Variants in WDR70 observed in about 807,000 individuals in gnomAD.
The protein encoded by WDR70 is WD repeat-containing protein 70.
Under a neutral mutation model 88.6 loss-of-function variants are expected in WDR70, and 53 were observed. That is an observed-to-expected ratio of 0.60 (90% CI 0.48 to 0.75). The LOEUF is 0.75. Among genes scored for constraint, WDR70 ranks in the 30% least tolerant of loss-of-function variants. WDR70 has a pLI of 0.00. For synonymous variants in WDR70, 280 were observed against 270.0 expected, an observed-to-expected ratio of 1.04 and a Z score of -0.36; for missense variants, 610 against 823.2, an observed-to-expected ratio of 0.74 and a Z score of 3.17.
chr5:37,712,713 A>T (rs1319891432), intron 13 of WDR70, among the ~76,000 whole-genome samples: 3 of 151,580 alleles, frequency 2.0e-5, no homozygotes, highest in Non-Finnish European at 4.4e-5. Flanking sequence ...TTTTATTTTT[A>T]TTTTTTGAAA....
At chr5:37,570,563 C>T (rs574015751) in intron 9 of WDR70, among the ~76,000 whole-genome samples, 5 of 151,950 alleles carry the variant, frequency 3.3e-5, no homozygotes, top group South Asian at 2.1e-4. Context: ...GAGGAAATGA[C>T]GATATTTAAG....
intron 7 of WDR70, among the ~76,000 whole-genome samples, chr5:37,463,839 A>G (rs1263400039): frequency 6.6e-6 from 1 of 152,204 alleles, no homozygotes; most frequent in Non-Finnish European, 1.5e-5. Context: ...TAGCAGACTT[A>G]AGAGTGAAGT....
intron 13 of WDR70, 134 bp downstream of exon 13, chr5:37,703,221 G>A (rs1218385260): frequency 2.5e-5 from 27 of 1,089,660 alleles, no homozygotes; most frequent in Non-Finnish European, 3.0e-5. Flanking sequence ...TCACTCTAGC[G>A]TAGGAGTTAT....
intron 9 of WDR70, among the ~76,000 whole-genome samples, chr5:37,565,249 A>C (rs898408455): frequency 1.3e-5 from 2 of 152,150 alleles, no homozygotes; most frequent in African/African-American, 4.8e-5. Context: ...ACAGTTAATC[A>C]AAAATTTATT....
intron 15 of WDR70, 152 bp from the exon 16 acceptor site, chr5:37,724,782 G>T (rs1247444911): frequency 4.4e-5 from 33 of 743,074 alleles, no homozygotes; most frequent in Admixed American, 2.3e-4. Context: ...AGCAAAATTG[G>T]CTAATTGGTT....
At chr5:37,602,471 G>A (rs1206257382) in intron 9 of WDR70, among the ~76,000 whole-genome samples, 1 of 151,720 alleles carries the variant, frequency 6.6e-6, no homozygotes, top group Non-Finnish European at 1.5e-5. Flanking sequence ...GCCAGGCAAG[G>A]TGGCGGGCGC....
chr5:37,422,866 G>A (rs917919248), intron 5 of WDR70, among the ~76,000 whole-genome samples: 2 of 151,986 alleles, frequency 1.3e-5, no homozygotes, highest in Non-Finnish European at 2.9e-5. Context: ...AGCTCAAATC[G>A]ATCTGCCCGC....
chr5:37,472,121 C>G (rs1415249006), intron 7 of WDR70, among the ~76,000 whole-genome samples: 1 of 151,608 alleles, frequency 6.6e-6, no homozygotes, highest in African/African-American at 2.4e-5. Flanking sequence ...AGTGAATATC[C>G]CAAGTTTAAA....
chr5:37,407,038 A>C (rs1200259497), intron 5 of WDR70, among the ~76,000 whole-genome samples: 1 of 152,194 alleles, frequency 6.6e-6, no homozygotes, highest in Non-Finnish European at 1.5e-5. Context: ...TGTGAAAGAT[A>C]ACTTTTTCAC....
chr5:37,427,342 T>C (rs982562617), intron 5 of WDR70, among the ~76,000 whole-genome samples: 6 of 151,346 alleles, frequency 4.0e-5, no homozygotes, highest in Non-Finnish European at 5.9e-5. Context: ...TGAGCGGAGA[T>C]AGCTCCACTG....
chr5:37,653,150 AG>A (rs1432153180), intron 10 of WDR70, among the ~76,000 whole-genome samples: 1 of 152,138 alleles, frequency 6.6e-6, no homozygotes, highest in Non-Finnish European at 1.5e-5. Flanking sequence ...TTAGCATGAA[AG>A]GGTGTTGAAT....
At chr5:37,483,673 G>A (rs1347913445) in intron 8 of WDR70, among the ~76,000 whole-genome samples, 2 of 151,876 alleles carry the variant, frequency 1.3e-5, no homozygotes, top group Non-Finnish European at 2.9e-5. Context: ...CCCAGAAGGG[G>A]CGGCCAGGCA....
At chr5:37,597,060 C>T (rs994021917) in intron 9 of WDR70, among the ~76,000 whole-genome samples, 1 of 152,154 alleles carries the variant, frequency 6.6e-6, no homozygotes, top group Non-Finnish European at 1.5e-5. Flanking sequence ...TAAAATTTCA[C>T]TCTATGGATG....
intron 5 of WDR70, among the ~76,000 whole-genome samples, chr5:37,406,815 G>A (rs1459247529): frequency 6.6e-6 from 1 of 152,188 alleles, no homozygotes; most frequent in Non-Finnish European, 1.5e-5. Flanking sequence ...CCAACAGTCA[G>A]TGTTGTACAT....
chr5:37,528,907 G>GTTTTTTTTTTTTTTTTT lies in WDR70; in HGVS notation c.917+12317_917+12318insTTTTTTTTTTTTTTTTT, dbSNP rs140383817. On this transcript the variant is annotated intron_variant, in intron 9 of 17. Coordinates refer to ENST00000265107, the MANE Select transcript of WDR70 (RefSeq NM_018034.4). ...TTTGCCTAAGCCAATGTCTAGAGGG[G>GTTTTTTTTTTTTTTTTT]GTTTTTTTTTTTTTTTGATGTTATC... Among the ~76,000 whole-genome samples the GTTTTTTTTTTTTTTTTT allele has an allele frequency of 2.3e-5, 3 of 130,704 alleles. 1 individual carries two copies. Among genetic ancestry groups the GTTTTTTTTTTTTTTTTT allele is most frequent in the Non-Finnish European group, 1.6e-5 (1 of 61,886 alleles). 85.7% of individuals were successfully genotyped at this position (130,704 alleles called of 152,430 possible). A position where few individuals can be genotyped will look rare whatever the true frequency, so the allele number is the denominator to read the frequency against.
chr5:37,675,757 C>G (rs1746185531), intron 10 of WDR70, among the ~76,000 whole-genome samples: 1 of 152,042 alleles, frequency 6.6e-6, no homozygotes, highest in South Asian at 2.1e-4. Context: ...GTAGTTTTTT[C>G]CAATTCTGTG....
intron 15 of WDR70, chr5:37,724,300 G>T (rs1428775328): frequency 6.6e-6 from 1 of 151,966 alleles, no homozygotes; most frequent in Non-Finnish European, 1.5e-5. Context: ...GCAATTGAAC[G>T]CATATTACTT....
At position 37,724,960 on chromosome 5, in the gene WDR70, C is replaced by T; in HGVS notation, c.1624C>T (p.Pro542Ser). 1 of 1,613,586 alleles carries T rather than the reference C, an allele frequency of 6.2e-7. No homozygotes were observed. Among genetic ancestry groups the T allele is most frequent in the Non-Finnish European group, 8.5e-7 (1 of 1,179,706 alleles). ...TPHALPMFRE[P>S]RQRSTRKQLE... ...TCATGCCTTGCCTATGTTCCGTGAGCCCCGCCAACGGAGTACAAGGAAACA... is the reference window on the plus strand; with the variant it reads ...TCATGCCTTGCCTATGTTCCGTGAGTCCCGCCAACGGAGTACAAGGAAACA... The change falls in exon 16 of 18, where the codon CCC becomes TCC. Residue 542 changes from proline to serine, a missense_variant. By Grantham distance (74) the Pro-to-Ser change is moderately conservative. Around this residue, in one of 4 missense-constraint regions of WDR70, gnomAD observed 254 missense variants for 300.7 expected, o/e 0.84. Transcript: ENST00000265107.
At chr5:37,696,866 A>T (rs1746998786) in intron 10 of WDR70, among the ~76,000 whole-genome samples, 1 of 152,222 alleles carries the variant, frequency 6.6e-6, no homozygotes, top group Admixed American at 6.5e-5. Context: ...CAAGTCTTTA[A>T]CTGTGTAGAA....
Sources: gnomAD v4.1 joint callset for allele counts (sites outside exome capture counted in the v4.1 genomes callset) on GRCh38, gnomAD v4.1.1 for gene constraint, gnomAD v4.1.1 regional missense constraint, MANE v1.5 for transcripts, NCBI Gene and HGNC (gene_info 2026-07-23, HGNC 2026-07-21) for gene names.